Variants in MRNIP observed in about 807,000 individuals in gnomAD.
MRNIP encodes the protein MRN complex interacting protein, also known as MRN complex-interacting protein.
Under a neutral mutation model 29.8 loss-of-function variants are expected in MRNIP, and 30 were observed. The ratio of observed to expected loss-of-function variants is 1.01; its 90% CI spans 0.75 to 1.36. MRNIP has a LOEUF of 1.36. Among genes scored for constraint, MRNIP ranks in the 40% most tolerant of loss-of-function variants. The pLI is 0.00. For synonymous variants in MRNIP, 201 were observed against 164.1 expected (o/e 1.23, Z -1.72); for missense variants, 459 against 423.5 (o/e 1.08, Z -0.74).
At chr5:179,842,642 G>A (rs1467123812) in intron 4 of MRNIP, among the ~76,000 whole-genome samples, 1 of 139,728 alleles carries the variant, frequency 7.2e-6, no homozygotes, top group Non-Finnish European at 1.5e-5. Context: ...GGGGCCTGCA[G>A]TGAGCCGAGA....
At chr5:179,848,687 G>T (rs1648394818) in intron 2 of MRNIP, among the ~76,000 whole-genome samples, 1 of 152,136 alleles carries the variant, frequency 6.6e-6, no homozygotes, top group South Asian at 2.1e-4. Flanking sequence ...GAAAGACAAG[G>T]CCAGGAAAGA....
intron 2 of MRNIP, among the ~76,000 whole-genome samples, chr5:179,849,186 G>A (rs186964812): frequency 6.7e-6 from 1 of 149,002 alleles, no homozygotes; most frequent in Non-Finnish European, 1.5e-5. Context: ...CTATGGCACA[G>A]GCAGATGGTA....
chr5:179,852,024 A>G (rs989370512), intron 2 of MRNIP, among the ~76,000 whole-genome samples: 4 of 151,944 alleles, frequency 2.6e-5, no homozygotes, highest in African/African-American at 9.7e-5. Context: ...ACTCACCAAC[A>G]TTATGAAATG....
chr5:179,853,527 C>CA, intron 1 of MRNIP, 90 bp from the exon 2 acceptor site: 1 of 1,067,030 alleles, frequency 9.4e-7, no homozygotes, highest in Non-Finnish European at 1.4e-6. Flanking sequence ...CTGTAATCCC[C>CA]CTTTGGGAGG....
intron 3 of MRNIP, among the ~76,000 whole-genome samples, chr5:179,846,750 A>G (rs155794): frequency 6.6e-6 from 1 of 152,120 alleles, no homozygotes; most frequent in Non-Finnish European, 1.5e-5. Context: ...TATTTCCAAA[A>G]TCTTAGAGAT....
At chr5:179,857,179 T>C (rs559411045) in intron 1 of MRNIP, among the ~76,000 whole-genome samples, 1 of 152,312 alleles carries the variant, frequency 6.6e-6, no homozygotes, top group Admixed American at 6.5e-5. Context: ...CCGGGCGCAG[T>C]GGCTCACACC....
At chr5:179,848,153 C>T in intron 2 of MRNIP, 87 bp from the exon 3 acceptor site, 1 of 1,007,830 alleles carries the variant, frequency 9.9e-7, no homozygotes. Flanking sequence ...TCAGGGAGGA[C>T]AAAGCTGTAT....
In MRNIP at chr5:179,842,008, T is replaced by C; in HGVS notation, c.348A>G (p.Gln116=). The C allele has an allele frequency of 6.2e-7, 1 of 1,614,136 alleles. No individual in the cohort carries two copies. Among genetic ancestry groups the C allele is most frequent in the Non-Finnish European group, 8.5e-7 (1 of 1,180,000 alleles). The change falls in exon 5 of 7, where the codon CAA becomes CAG. Residue 116 remains glutamine, a synonymous_variant. Coordinates refer to ENST00000292586, the MANE Select transcript of MRNIP (RefSeq NM_016175.4). ...CTCCTGTTCCTTCCAGCTCCAGTTC[T>C]TGGGAGTCCTTTTCTAGATACTTCA... is the stretch of plus-strand genomic sequence containing the variant. ...RWLKYLEKDS[Q]ELELEGTGVC...
chr5:179,855,399 G>A (rs1458642315), intron 1 of MRNIP, among the ~76,000 whole-genome samples: 3 of 152,110 alleles, frequency 2.0e-5, no homozygotes, highest in East Asian at 3.9e-4. Flanking sequence ...CCAAAGTGCT[G>A]GGATTAAAGG....
At chr5:179,842,447 G>A (rs1484051581) in intron 4 of MRNIP, among the ~76,000 whole-genome samples, 6 of 151,466 alleles carry the variant, frequency 4.0e-5, no homozygotes, top group East Asian at 1.9e-4. Flanking sequence ...TTGGGAGGCC[G>A]AGGCTGGCGG....
intron 3 of MRNIP, chr5:179,847,111 C>G (rs1759166348): frequency 6.6e-6 from 1 of 151,634 alleles, no homozygotes; most frequent in East Asian, 1.9e-4. Flanking sequence ...TTCTCATAAC[C>G]CACCACCATC....
chr5:179,854,244 T>C (rs1171395679), intron 1 of MRNIP, among the ~76,000 whole-genome samples: 2 of 151,526 alleles, frequency 1.3e-5, no homozygotes, highest in Non-Finnish European at 2.9e-5. Context: ...ATGGTCTCGA[T>C]CTCCTGACCT....
intron 2 of MRNIP, among the ~76,000 whole-genome samples, chr5:179,852,839 G>A (rs117246412): frequency 6.6e-6 from 1 of 152,272 alleles, no homozygotes; most frequent in East Asian, 1.9e-4. Context: ...CTGAAAAGAC[G>A]TACTGAATGC....
At chr5:179,849,384 C>A (rs1582051000) in intron 2 of MRNIP, among the ~76,000 whole-genome samples, 1 of 150,764 alleles carries the variant, frequency 6.6e-6, no homozygotes, top group Non-Finnish European at 1.5e-5. Flanking sequence ...TGCAATGACA[C>A]AGGCAGATGG....
At chr5:179,839,520 T>C (rs1291270874) in intron 6 of MRNIP, 1 of 152,274 alleles carries the variant, frequency 6.6e-6, no homozygotes, top group Non-Finnish European at 1.5e-5. Flanking sequence ...GCCCAGGGAC[T>C]GGCCCGTGGC....
chr5:179,844,067 T>G, intron 4 of MRNIP, 85 bp downstream of exon 4: 1 of 1,113,410 alleles, frequency 9.0e-7, no homozygotes, highest in Non-Finnish European at 1.3e-6. Flanking sequence ...AACACACATT[T>G]GCTATAATGA....
rs184262805 is a variant in MRNIP at position 179,856,446 on chromosome 5, G to C, written c.66+2285C>G. Among the ~76,000 whole-genome samples, 1,172 of 152,132 alleles carry C rather than the reference G, an allele frequency of 7.7e-3. 11 individuals are homozygous for C. The highest frequency in any genetic ancestry group is 0.013 in the Non-Finnish European group (879 of 67,998). On this transcript the variant is annotated intron_variant, in intron 1 of 6. Transcript: ENST00000292586. ...ATTAAAATTAAAGTAGTACATAGCC[G>C]ACTTGCCGTCCTCTTTGGTTTCAAG...
intron 2 of MRNIP, among the ~76,000 whole-genome samples, chr5:179,850,117 T>C (rs964424249): frequency 6.6e-6 from 1 of 151,002 alleles, no homozygotes; most frequent in East Asian, 1.9e-4. Context: ...TTTGAGAGCA[T>C]GAGTCCTGCT....
At chr5:179,840,575 G>A (rs1478234279) in intron 6 of MRNIP, 5 of 535,440 alleles carry the variant, frequency 9.3e-6, no homozygotes, top group East Asian at 6.3e-5. Flanking sequence ...CGCAGAATGA[G>A]ACGATGGCCC....
Sources: allele counts gnomAD v4.1 joint callset (sites outside exome capture counted in the v4.1 genomes callset), GRCh38; gene constraint gnomAD v4.1.1; transcripts MANE v1.5; gene names NCBI Gene and HGNC (gene_info 2026-07-23, HGNC 2026-07-21).